INVS: variants seen among roughly 807,000 people sequenced by gnomAD.
The protein encoded by INVS is inversin.
Under a neutral mutation model 108.8 loss-of-function variants are expected in INVS, and 86 were observed. The ratio of observed to expected loss-of-function variants is 0.79; its 90% CI spans 0.66 to 0.95. The LOEUF (loss-of-function observed/expected upper bound fraction) is 0.95, where lower values mean the gene tolerates loss of function less well. Among genes scored for constraint, INVS ranks in the 40% least tolerant of loss-of-function variants. The pLI is 0.00. For missense variants in INVS, 1,169 were observed against 1,297.4 expected (o/e 0.90, Z 1.52); for synonymous variants, 455 against 473.5 (o/e 0.96, Z 0.51).
chr9:100,224,055 A>C (rs1005946356), intron 3 of INVS, among the ~76,000 whole-genome samples: 5 of 152,346 alleles, frequency 3.3e-5, no homozygotes, highest in East Asian at 3.9e-4. Flanking sequence ...CAAAACAAAA[A>C]AAAACACGCA....
At chr9:100,163,015 T>C (rs1829238920) in intron 3 of INVS, among the ~76,000 whole-genome samples, 1 of 152,080 alleles carries the variant, frequency 6.6e-6, no homozygotes, top group African/African-American at 2.4e-5. Flanking sequence ...TTACAGAGCC[T>C]TGTGAACCTA....
At chr9:100,298,308 C>A (rs1833851137) in intron 16 of INVS, 3 of 1,268,370 alleles carry the variant, frequency 2.4e-6, no homozygotes, top group Non-Finnish European at 3.0e-6. Context: ...TGTCACTCTT[C>A]AAAGGAATAC....
At chr9:100,132,727 C>T (rs1828089804) in intron 3 of INVS, among the ~76,000 whole-genome samples, 1 of 152,082 alleles carries the variant, frequency 6.6e-6, no homozygotes, top group African/African-American at 2.4e-5. Context: ...CATCTCTTCT[C>T]TTTAAAAATT....
chr9:100,142,442 A>C (rs1407942176), intron 3 of INVS, among the ~76,000 whole-genome samples: 1 of 152,172 alleles, frequency 6.6e-6, no homozygotes, highest in East Asian at 1.9e-4. Context: ...ACTGCCATCA[A>C]TAAACCAAAT....
chr9:100,136,443 C>G (rs7021923), intron 3 of INVS, among the ~76,000 whole-genome samples: 31,793 of 151,946 alleles, frequency 0.21, 5,642 homozygotes, highest in African/African-American at 0.49. Context: ...ATTCATATAT[C>G]CCCACGATAT....
rs1319002840 is a variant in INVS, at chr9:100,301,162, CACACACACACACACACAT to C, written c.*490_*507del. On this transcript the variant is annotated 3_prime_UTR_variant, in exon 17 of 17. Coordinates refer to ENST00000262457, the MANE Select transcript of INVS (RefSeq NM_014425.5). ...TATCACACACACACACACACACACACACACACACACACACACATATCACGTCCCACTATTACTTCAAAA... is the reference window on the plus strand; with the variant it reads ...TATCACACACACACACACACACACACATCACGTCCCACTATTACTTCAAAA... 2.8e-4 allele frequency among the ~76,000 whole-genome samples: 34 copies of C among 121,044 alleles called. No homozygotes were observed. The highest frequency in any genetic ancestry group is 4.1e-3 in the Middle Eastern group (1 of 244). The allele number at this position is 121,044 out of a possible 152,430, so 79.4% of individuals were successfully genotyped here.
At chr9:100,284,225 T>C (rs1457693181) in intron 12 of INVS, 95 bp from the exon 13 acceptor site, 9 of 1,401,874 alleles carry the variant, frequency 6.4e-6, no homozygotes, top group African/African-American at 1.4e-5. Flanking sequence ...TCTCCTGTGA[T>C]GTAGTAGCTC....
At chr9:100,284,937 A>C (rs1015487099) in intron 13 of INVS, among the ~76,000 whole-genome samples, 3 of 152,168 alleles carry the variant, frequency 2.0e-5, no homozygotes, top group Non-Finnish European at 4.4e-5. Context: ...GGTGTTATAA[A>C]TTTTGTTTCA....
intron 3 of INVS, among the ~76,000 whole-genome samples, chr9:100,165,735 G>C (rs531090409): frequency 6.6e-6 from 1 of 152,110 alleles, no homozygotes; most frequent in Non-Finnish European, 1.5e-5. Context: ...TTTTTGGCCT[G>C]TGGGAGGCCT....
intron 8 of INVS, among the ~76,000 whole-genome samples, chr9:100,248,174 T>C (rs1832105887): frequency 6.6e-6 from 1 of 152,210 alleles, no homozygotes; most frequent in Non-Finnish European, 1.5e-5. Flanking sequence ...ATTGACTTTA[T>C]AAATGATCTG....
At chr9:100,188,059 A>G (rs899878263) in intron 3 of INVS, among the ~76,000 whole-genome samples, 13 of 152,218 alleles carry the variant, frequency 8.5e-5, no homozygotes, top group African/African-American at 3.1e-4. Context: ...TTCATTTATC[A>G]AATCTAGGAT....
At chr9:100,157,997 A>G (rs1829056993) in intron 3 of INVS, among the ~76,000 whole-genome samples, 1 of 152,150 alleles carries the variant, frequency 6.6e-6, no homozygotes, top group African/African-American at 2.4e-5. Flanking sequence ...ATCTCTTAGT[A>G]TTTCTTAATG....
intron 3 of INVS, among the ~76,000 whole-genome samples, chr9:100,161,364 C>CAAAAA (rs35392930): frequency 8.1e-5 from 1 of 12,370 alleles, no homozygotes; most frequent in Non-Finnish European, 1.6e-4. Flanking sequence ...ACTTCCATCT[C>CAAAAA]AAAAAAAAAA....
At chr9:100,224,938 T>C (rs1275370457) in intron 3 of INVS, among the ~76,000 whole-genome samples, 1 of 151,872 alleles carries the variant, frequency 6.6e-6, no homozygotes, top group East Asian at 1.9e-4. Context: ...GGTGGGTTGA[T>C]TCTACCAGAC....
At chr9:100,242,364 A>T (rs1041784550) in intron 6 of INVS, among the ~76,000 whole-genome samples, 7 of 152,164 alleles carry the variant, frequency 4.6e-5, no homozygotes, top group Non-Finnish European at 1.0e-4. Flanking sequence ...TGAAGCATTA[A>T]GTTTTTAGTA....
At chr9:100,099,999 C>G (rs947190818) in intron 1 of INVS, among the ~76,000 whole-genome samples, 4 of 152,164 alleles carry the variant, frequency 2.6e-5, no homozygotes, top group Non-Finnish European at 4.4e-5. Context: ...CTGAGAACTT[C>G]CCGAACAACC....
intron 8 of INVS, 103 bp downstream of exon 8, chr9:100,246,890 T>A (rs1386255219): frequency 9.3e-7 from 1 of 1,077,518 alleles, no homozygotes; most frequent in East Asian, 2.4e-5. Context: ...TTGTTCCTAA[T>A]CTAATATTGT....
chr9:100,279,874 T>C (rs1833224985), intron 12 of INVS, among the ~76,000 whole-genome samples: 1 of 152,162 alleles, frequency 6.6e-6, no homozygotes, highest in African/African-American at 2.4e-5. Flanking sequence ...AACTCTCTTG[T>C]GGGTCGCAGT....
At chr9:100,175,831 G>T (rs2119054107) in intron 3 of INVS, 1 of 666,328 alleles carries the variant, frequency 1.5e-6, no homozygotes, top group Non-Finnish European at 2.7e-6. Flanking sequence ...CCCAATCCTG[G>T]AACAATCAGG....
Sources: gnomAD v4.1 joint callset for allele counts (sites outside exome capture counted in the v4.1 genomes callset) on GRCh38, gnomAD v4.1.1 for gene constraint, MANE v1.5 for transcripts, NCBI Gene and HGNC (gene_info 2026-07-23, HGNC 2026-07-21) for gene names.